PTPRD: variants seen among roughly 807,000 people sequenced by gnomAD.
PTPRD encodes the protein protein tyrosine phosphatase receptor type D, also known as receptor-type tyrosine-protein phosphatase delta.
A neutral mutation model predicts 214.5 loss-of-function variants in PTPRD; 34 were observed. The ratio of observed to expected loss-of-function variants is 0.16; its 90% CI spans 0.12 to 0.21. The LOEUF is 0.21. Ranked by LOEUF, PTPRD falls within the 10% of genes least tolerant of loss-of-function variation. The pLI is 1.00. For synonymous variants in PTPRD, 1,128 were observed against 845.7 expected (o/e 1.33, Z -5.79); for missense variants, 2,545 against 2,398.7 (o/e 1.06, Z -1.27).
intron 30 of PTPRD, among the ~76,000 whole-genome samples, chr9:8,471,463 T>C (rs1168763802): frequency 6.6e-6 from 1 of 152,144 alleles, no homozygotes; most frequent in Non-Finnish European, 1.5e-5. Flanking sequence ...TATAAGAAGA[T>C]GTTTTTAAAA....
At chr9:8,787,949 G>C (rs1460879466) in intron 11 of PTPRD, among the ~76,000 whole-genome samples, 2 of 152,024 alleles carry the variant, frequency 1.3e-5, no homozygotes, top group Non-Finnish European at 2.9e-5. Context: ...ATCTACAAGT[G>C]TTATTTACAT....
chr9:8,814,352 T>A (rs1432072113), intron 11 of PTPRD, among the ~76,000 whole-genome samples: 8 of 146,318 alleles, frequency 5.5e-5, no homozygotes, highest in Admixed American at 2.1e-4. Flanking sequence ...TAAGCAAGAA[T>A]GTCTTCACGG....
In PTPRD at chr9:9,779,297, A is replaced by T. The variant is rs1014579564; in HGVS notation, c.-367-12446T>A. 6.6e-5 allele frequency among the ~76,000 whole-genome samples: 10 copies of T among 151,914 alleles called. 1 individual carries two copies. Among genetic ancestry groups the T allele is most frequent in the Admixed American group, 2.6e-4 (4 of 15,260 alleles). On this transcript the variant is annotated intron_variant, in intron 5 of 45. Coordinates refer to ENST00000381196, the MANE Select transcript of PTPRD (RefSeq NM_002839.4). ...TACACTTCCAGACATTGGCTTTGAC[A>T]AAAAAAATTTGGCTAAGTTCTGAAA...
chr9:10,124,569 C>T (rs1388202146), intron 3 of PTPRD, among the ~76,000 whole-genome samples: 2 of 152,264 alleles, frequency 1.3e-5, no homozygotes, highest in South Asian at 4.1e-4. Context: ...CTTCCTTAGA[C>T]CTCTTTCTTA....
In PTPRD at chr9:9,882,259, G is replaced by C. The variant is rs113996395; in HGVS notation, c.-368+56248C>G. 2.0e-3 allele frequency among the ~76,000 whole-genome samples: 304 copies of C among 152,108 alleles called. 1 individual carries two copies. The highest frequency in any genetic ancestry group is 7.1e-3 in the African/African-American group (293 of 41,516). ...TCATTTTTTTGATTGTAAGCAGAAG[G>C]ATCGAAATTAGAATATTTTCTAGAG... On this transcript the variant is annotated intron_variant, in intron 5 of 45. Transcript: ENST00000381196.
intron 2 of PTPRD, among the ~76,000 whole-genome samples, chr9:10,508,672 A>G (rs1024393751): frequency 7.2e-5 from 11 of 152,152 alleles, no homozygotes; most frequent in Non-Finnish European, 1.2e-4. Flanking sequence ...AGAAACCATC[A>G]TTCTCAGCAA....
intron 12 of PTPRD, chr9:8,713,861 G>T (rs1565492863): frequency 7.7e-7 from 1 of 1,292,224 alleles, no homozygotes; most frequent in East Asian, 2.5e-5. Context: ...CCTCGCCCGG[G>T]TGCGCCCCAA....
intron 5 of PTPRD, among the ~76,000 whole-genome samples, chr9:9,919,445 C>T (rs372894378): frequency 4.6e-5 from 7 of 152,124 alleles, no homozygotes; most frequent in Non-Finnish European, 1.0e-4. Flanking sequence ...ACCTCCCTTA[C>T]CAGTGAACTC....
At chr9:8,690,257 G>C (rs2097775177) in intron 12 of PTPRD, among the ~76,000 whole-genome samples, 1 of 152,070 alleles carries the variant, frequency 6.6e-6, no homozygotes, top group African/African-American at 2.4e-5. Context: ...GCCGGGTGCG[G>C]AGGCTTGTGT....
At chr9:10,503,187 G>A (rs2044364901) in intron 2 of PTPRD, among the ~76,000 whole-genome samples, 1 of 5,256 alleles carries the variant, frequency 1.9e-4, no homozygotes, top group Non-Finnish European at 5.5e-4. Context: ...AGACACAGCT[G>A]CAATACAAAA....
intron 10 of PTPRD, among the ~76,000 whole-genome samples, chr9:9,067,092 A>C (rs1699985253): frequency 6.6e-6 from 1 of 152,150 alleles, no homozygotes; most frequent in South Asian, 2.1e-4. Flanking sequence ...CAAATAAAAA[A>C]ATTTAGCCCT....
chr9:9,229,034 T>A (rs942878733), intron 9 of PTPRD, among the ~76,000 whole-genome samples: 1 of 152,144 alleles, frequency 6.6e-6, no homozygotes, highest in Non-Finnish European at 1.5e-5. Flanking sequence ...ATAATTTTAA[T>A]GTGGGTCATT....
intron 14 of PTPRD, among the ~76,000 whole-genome samples, chr9:8,593,433 C>T (rs1017139302): frequency 2.0e-5 from 3 of 152,104 alleles, no homozygotes; most frequent in African/African-American, 7.2e-5. Flanking sequence ...TTTGTTGTTG[C>T]TATTTCTAAT....
chr9:10,003,544 G>A (rs1435076233), intron 4 of PTPRD, among the ~76,000 whole-genome samples: 2 of 151,648 alleles, frequency 1.3e-5, no homozygotes, highest in Non-Finnish European at 3.0e-5. Context: ...AACTAAAGAA[G>A]AGAAAGTGCT....
At chr9:10,567,751 A>G (rs2066068492) in intron 2 of PTPRD, among the ~76,000 whole-genome samples, 1 of 151,780 alleles carries the variant, frequency 6.6e-6, no homozygotes, top group Non-Finnish European at 1.5e-5. Flanking sequence ...TTTTGTCTAT[A>G]TATATACATA....
At chr9:8,483,252 T>A (rs2096925064) in intron 30 of PTPRD, among the ~76,000 whole-genome samples, 1 of 152,240 alleles carries the variant, frequency 6.6e-6, no homozygotes, top group Admixed American at 6.5e-5. Context: ...TTCTAATGTT[T>A]ATATTTTTTC....
intron 35 of PTPRD, among the ~76,000 whole-genome samples, chr9:8,421,629 C>G (rs978894120): frequency 1.3e-5 from 2 of 152,126 alleles, no homozygotes; most frequent in Admixed American, 6.6e-5. Context: ...TGGCCTTGTA[C>G]TCAAGCCTCA....
At chr9:10,196,990 C>G (rs74597273) in intron 3 of PTPRD, among the ~76,000 whole-genome samples, 3 of 152,084 alleles carry the variant, frequency 2.0e-5, no homozygotes, top group Non-Finnish European at 4.4e-5. Context: ...CATGCTGGCA[C>G]GCTGATCTCA....
At chr9:8,720,727 C>T (rs554021926) in intron 12 of PTPRD, among the ~76,000 whole-genome samples, 5 of 152,176 alleles carry the variant, frequency 3.3e-5, no homozygotes, top group African/African-American at 9.6e-5. Flanking sequence ...CTAAAAGCCA[C>T]TCAGTGCTTC....
Sources: allele counts gnomAD v4.1 joint callset (sites outside exome capture counted in the v4.1 genomes callset), GRCh38; gene constraint gnomAD v4.1.1; transcripts MANE v1.5; gene names NCBI Gene and HGNC (gene_info 2026-07-23, HGNC 2026-07-21).